The following FRMPD4 variants were observed in gnomAD, a reference collection of about 807,000 sequenced individuals.
FRMPD4 encodes the protein FERM and PDZ domain containing 4, also known as FERM and PDZ domain-containing protein 4.
In FRMPD4, 22 loss-of-function variants were observed where a neutral mutation model predicts 94.1. That is an observed-to-expected ratio of 0.23 (90% CI 0.17 to 0.33). The LOEUF (loss-of-function observed/expected upper bound fraction) is 0.33. Ranked by LOEUF, FRMPD4 falls within the 10% of genes least tolerant of loss-of-function variation. FRMPD4 has a pLI of 1.00. For missense variants in FRMPD4, 1,111 were observed against 1,339.9 expected, an observed-to-expected ratio of 0.83 and a Z score of 2.67; for synonymous variants, 631 against 548.6, an observed-to-expected ratio of 1.15 and a Z score of -2.10.
chrX:12,308,430 G>A (rs2054978139), intron 1 of FRMPD4, among the ~76,000 whole-genome samples: 1 of 111,774 alleles, frequency 8.9e-6, no homozygotes, highest in African/African-American at 3.3e-5. Context: ...CGACCACACA[G>A]AGAGATCAGG....
chrX:12,247,128 G>A lies in FRMPD4; in HGVS notation c.41+108116G>A, dbSNP rs781401339. Among the ~76,000 whole-genome samples, 10 of 111,630 alleles carry A rather than the reference G, an allele frequency of 9.0e-5. No individual in the cohort carries two copies. The South Asian group carries it at 3.8e-3, about 43-fold the overall frequency. ...ATCAGTACTATTGACATTTTGGGCT[G>A]AAGAATTCTTTGTTGTGCAGGGCTA... is the stretch of plus-strand genomic sequence containing the variant. On this transcript the variant is annotated intron_variant, in intron 1 of 16. Coordinates refer to ENST00000675598, the MANE Select transcript of FRMPD4 (RefSeq NM_001368397.1).
At chrX:12,538,833 G>A (rs888895236) in intron 2 of FRMPD4, among the ~76,000 whole-genome samples, 3 of 110,797 alleles carry the variant, frequency 2.7e-5, no homozygotes, top group Non-Finnish European at 5.7e-5. Context: ...ACCAAAGGTA[G>A]ATAAAACCAC....
At chrX:12,649,599 A>G (rs992652979) in intron 4 of FRMPD4, among the ~76,000 whole-genome samples, 7 of 112,093 alleles carry the variant, frequency 6.2e-5, no homozygotes, top group African/African-American at 1.9e-4. Context: ...ACCTGGATTC[A>G]AAGTATTTTA....
At chrX:12,176,043 A>G (rs2147658690) in intron 1 of FRMPD4, among the ~76,000 whole-genome samples, 1 of 112,186 alleles carries the variant, frequency 8.9e-6, no homozygotes, top group African/African-American at 3.2e-5. Flanking sequence ...CATTCCTGTT[A>G]TGTAAATACT....
chrX:12,195,493 C>T (rs2056556108), intron 1 of FRMPD4, among the ~76,000 whole-genome samples: 1 of 112,240 alleles, frequency 8.9e-6, no homozygotes, highest in Non-Finnish European at 1.9e-5. Flanking sequence ...TTGCCCCCAA[C>T]AGGGAAAAGG....
At chrX:12,650,834 C>T (rs973159532) in intron 4 of FRMPD4, among the ~76,000 whole-genome samples, 8 of 112,927 alleles carry the variant, frequency 7.1e-5, no homozygotes, top group African/African-American at 2.2e-4. Flanking sequence ...CTGACAAAGT[C>T]GAACATAACC....
intron 1 of FRMPD4, among the ~76,000 whole-genome samples, chrX:12,210,063 A>G (rs1212280212): frequency 9.0e-6 from 1 of 111,684 alleles, no homozygotes; most frequent in Non-Finnish European, 1.9e-5. Flanking sequence ...TTGCCCTGTG[A>G]CTTTGTGTAT....
chrX:12,154,657 C>A (rs1000668076), intron 1 of FRMPD4, among the ~76,000 whole-genome samples: 1 of 112,684 alleles, frequency 8.9e-6, no homozygotes, highest in Non-Finnish European at 1.9e-5. Context: ...CTATGTTTTA[C>A]GTGAAAAATG....
intron 1 of FRMPD4, among the ~76,000 whole-genome samples, chrX:11,861,620 C>T (rs1480634573): frequency 1.8e-5 from 2 of 111,157 alleles, no homozygotes; most frequent in Non-Finnish European, 3.8e-5. Context: ...ACAATCCTAC[C>T]TGAGGTCTAC....
rs373285910 is a variant in FRMPD4, at chrX:12,717,973, G to T, written c.3147G>T (p.Gln1049His). Reference protein sequence around the residue: ...PPNGNTTGKKQQGTKTAEMEE... With the variant: ...PPNGNTTGKKHQGTKTAEMEE... The stretch of plus-strand genomic sequence containing the variant: ...ATGGGAACACAACAGGAAAAAAACA[G>T]CAGGGGACCAAAACGGCAGAGATGG... Residue 1049 changes from glutamine to histidine, a missense_variant, in exon 16 of 17, where the codon CAG (glutamine) becomes CAT (histidine). Transcript: ENST00000675598. 8.3e-7 allele frequency: 1 copy of T among 1,211,727 alleles called. No homozygotes were observed. The highest frequency in any genetic ancestry group is 1.1e-6 in the Non-Finnish European group (1 of 895,112).
intron 1 of FRMPD4, among the ~76,000 whole-genome samples, chrX:12,175,381 A>G (rs2056281134): frequency 8.9e-6 from 1 of 111,999 alleles, no homozygotes; most frequent in Non-Finnish European, 1.9e-5. Flanking sequence ...TCCATTTGTT[A>G]GTTGACATTC....
At chrX:12,025,333 T>C (rs2147427912) in intron 3 of FRMPD4, among the ~76,000 whole-genome samples, 1 of 109,967 alleles carries the variant, frequency 9.1e-6, no homozygotes, top group African/African-American at 3.3e-5. Flanking sequence ...ATCATGACAA[T>C]TGCCTACTTG....
At chrX:12,300,406 G>A (rs565366885) in intron 1 of FRMPD4, among the ~76,000 whole-genome samples, 7 of 111,805 alleles carry the variant, frequency 6.3e-5, no homozygotes, top group Non-Finnish European at 9.4e-5. Flanking sequence ...CAGGGAATTC[G>A]AAAGAGGAAT....
At chrX:11,980,077 C>T (rs2147387658) in intron 3 of FRMPD4, among the ~76,000 whole-genome samples, 1 of 111,277 alleles carries the variant, frequency 9.0e-6, no homozygotes, top group East Asian at 2.8e-4. Context: ...CTGTCTCGTC[C>T]TCATTTTGTC....
chrX:12,579,773 C>T (rs958696638), intron 2 of FRMPD4, among the ~76,000 whole-genome samples: 10 of 111,789 alleles, frequency 8.9e-5, no homozygotes, highest in Non-Finnish European at 1.7e-4. Flanking sequence ...TGCTTTTTTA[C>T]AGTCCAAAGG....
chrX:12,555,091 TTTTC>T (rs990669830), intron 2 of FRMPD4, among the ~76,000 whole-genome samples: 5 of 111,944 alleles, frequency 4.5e-5, no homozygotes, highest in Non-Finnish European at 9.4e-5. Context: ...TCTTCTTCCC[TTTTC>T]TTTTTGTTAC....
intron 1 of FRMPD4, among the ~76,000 whole-genome samples, chrX:12,254,452 C>T (rs1227026411): frequency 8.9e-6 from 1 of 111,849 alleles, no homozygotes; most frequent in Non-Finnish European, 1.9e-5. Flanking sequence ...ATGTTGAACC[C>T]TGATCAACCC....
At chrX:12,467,057 G>A (rs2057457046) in intron 1 of FRMPD4, among the ~76,000 whole-genome samples, 1 of 111,232 alleles carries the variant, frequency 9.0e-6, no homozygotes, top group South Asian at 3.8e-4. Flanking sequence ...TCTGCTATAT[G>A]AGTGCATGCT....
At chrX:12,335,741 A>G (rs1342806548) in intron 1 of FRMPD4, among the ~76,000 whole-genome samples, 1 of 111,781 alleles carries the variant, frequency 8.9e-6, no homozygotes, top group Non-Finnish European at 1.9e-5. Context: ...CAGCCTCTCT[A>G]TTGCATTAGC....
Sources: gnomAD v4.1 joint callset for allele counts (sites outside exome capture counted in the v4.1 genomes callset) on GRCh38, gnomAD v4.1.1 for gene constraint, MANE v1.5 for transcripts, NCBI Gene and HGNC (gene_info 2026-07-23, HGNC 2026-07-21) for gene names.